CDK5RAP2: variants seen among roughly 807,000 people sequenced by gnomAD.
CDK5RAP2 encodes CDK5 regulatory subunit associated protein 2.
In CDK5RAP2, 147 loss-of-function variants were observed where a neutral mutation model predicts 232.9. That is an observed-to-expected ratio of 0.63 (90% confidence interval 0.55 to 0.72). The LOEUF is 0.72. Among genes scored for constraint, CDK5RAP2 ranks in the 30% least tolerant of loss-of-function variants. The pLI is 0.00. For synonymous variants in CDK5RAP2, 833 were observed against 833.7 expected, an observed-to-expected ratio of 1.00 and a Z score of 0.01; for missense variants, 2,195 against 2,231.5, an observed-to-expected ratio of 0.98 and a Z score of 0.33.
intron 12 of CDK5RAP2, among the ~76,000 whole-genome samples, chr9:120,512,916 T>A (rs1047970886): frequency 1.3e-5 from 2 of 152,172 alleles, no homozygotes; most frequent in African/African-American, 2.4e-5. Flanking sequence ...TTTCTACCAC[T>A]CTGAATAGCA....
At chr9:120,528,593 T>C (rs1027364790) in intron 9 of CDK5RAP2, 151 bp downstream of exon 9, 4 of 673,466 alleles carry the variant, frequency 5.9e-6, no homozygotes, top group Non-Finnish European at 1.1e-5. Flanking sequence ...TAAGAAACCC[T>C]TTCTAGAGTA....
At chr9:120,440,429 G>A (rs1048166011) in intron 23 of CDK5RAP2, 1 of 204,236 alleles carries the variant, frequency 4.9e-6, no homozygotes. Context: ...TGCATGGGCC[G>A]TGCCCTCTGC....
chr9:120,492,156 C>T (rs1364816724), intron 12 of CDK5RAP2, among the ~76,000 whole-genome samples: 1 of 151,952 alleles, frequency 6.6e-6, no homozygotes, highest in Non-Finnish European at 1.5e-5. Context: ...ATTTGCAATA[C>T]TGAAGCACTA....
intron 25 of CDK5RAP2, among the ~76,000 whole-genome samples, chr9:120,429,468 G>C (rs2035139504): frequency 6.6e-6 from 1 of 152,060 alleles, no homozygotes; most frequent in African/African-American, 2.4e-5. Flanking sequence ...ACCAATAACA[G>C]ACAAACAGAG....
intron 22 of CDK5RAP2, 111 bp from the exon 23 acceptor site, chr9:120,443,853 G>A (rs2036039441): frequency 2.1e-6 from 3 of 1,423,654 alleles, no homozygotes; most frequent in Non-Finnish European, 2.9e-6. Flanking sequence ...AAAACACTGG[G>A]GAGGCAAAAT....
At chr9:120,546,567 T>C (rs1283751478) in intron 4 of CDK5RAP2, among the ~76,000 whole-genome samples, 1 of 152,218 alleles carries the variant, frequency 6.6e-6, no homozygotes, top group Non-Finnish European at 1.5e-5. Flanking sequence ...TTTGGGTGCA[T>C]CGTTTGTGGA....
chr9:120,463,721 C>T (rs1363918082), intron 18 of CDK5RAP2, among the ~76,000 whole-genome samples: 1 of 152,206 alleles, frequency 6.6e-6, no homozygotes, highest in African/African-American at 2.4e-5. Context: ...CACAACCATG[C>T]CAATGCTTGA....
intron 28 of CDK5RAP2, among the ~76,000 whole-genome samples, chr9:120,414,420 C>T (rs916829090): frequency 2.6e-5 from 4 of 152,176 alleles, no homozygotes; most frequent in African/African-American, 9.7e-5. Flanking sequence ...CCAAGATTTA[C>T]TGCTCCATGA....
chr9:120,539,657 G>C lies in CDK5RAP2; in HGVS notation c.384-493C>G, dbSNP rs556426479. Among the ~76,000 whole-genome samples, 8 of 152,314 alleles carry C rather than the reference G, an allele frequency of 5.3e-5. No individual in the cohort carries two copies. In the South Asian group the frequency reaches 8.3e-4, roughly 16 times the overall value. Reference sequence around the variant, plus strand: ...TTCTGACAACAGTGCCTGGTACAAAGTAAGTATTCAATAAATGTTGGCGAT... The same window carrying C: ...TTCTGACAACAGTGCCTGGTACAAACTAAGTATTCAATAAATGTTGGCGAT... On this transcript the variant is annotated intron_variant, in intron 5 of 37. Coordinates refer to ENST00000349780, the MANE Select transcript of CDK5RAP2 (RefSeq NM_018249.6).
intron 12 of CDK5RAP2, among the ~76,000 whole-genome samples, chr9:120,503,780 T>G (rs1451300815): frequency 6.6e-6 from 1 of 152,126 alleles, no homozygotes; most frequent in East Asian, 1.9e-4. Context: ...CACCTCTCTC[T>G]GTCCCCACAT....
At chr9:120,556,213 G>T (rs762312943) in intron 3 of CDK5RAP2, among the ~76,000 whole-genome samples, 6 of 152,160 alleles carry the variant, frequency 3.9e-5, no homozygotes, top group Non-Finnish European at 8.8e-5. Flanking sequence ...ATATACATCT[G>T]TCAGAGTTCA....
chr9:120,453,931 C>T (rs1293516452), intron 20 of CDK5RAP2, 58 bp from the exon 21 acceptor site: 4 of 1,561,834 alleles, frequency 2.6e-6, no homozygotes, highest in Non-Finnish European at 3.5e-6. Context: ...GGCCTTGTCC[C>T]CTAGCCAGTA....
intron 13 of CDK5RAP2, among the ~76,000 whole-genome samples, chr9:120,489,994 A>G (rs1314375748): frequency 6.6e-6 from 1 of 151,924 alleles, no homozygotes; most frequent in Non-Finnish European, 1.5e-5. Context: ...TTTAGTAGAG[A>G]CGGAGTTTCT....
At chr9:120,519,161 G>A (rs542177231) in intron 11 of CDK5RAP2, among the ~76,000 whole-genome samples, 9 of 149,054 alleles carry the variant, frequency 6.0e-5, no homozygotes, top group East Asian at 5.9e-4. Flanking sequence ...GTGACAGAGC[G>A]AGACTCCGTC....
intron 3 of CDK5RAP2, among the ~76,000 whole-genome samples, chr9:120,565,705 C>T (rs1166375656): frequency 6.6e-6 from 1 of 152,178 alleles, no homozygotes; most frequent in Non-Finnish European, 1.5e-5. Flanking sequence ...CTCCCTAGCT[C>T]TCCCCACTTG....
rs869025200 is a variant in CDK5RAP2 at position 120,409,126 on chromosome 9, C to G, written c.4604+1G>C. ...GGCCACCAGGGAAGCACAGCCACTACCTGCTCAGCTCCTGGCCGCTGCAGC... is the reference window on the plus strand; with the variant it reads ...GGCCACCAGGGAAGCACAGCCACTAGCTGCTCAGCTCCTGGCCGCTGCAGC... On this transcript the variant is annotated splice_donor_variant, in intron 30 of 37. Transcript: ENST00000349780. LOFTEE classifies it high-confidence loss of function. 8.7e-6 allele frequency: 14 copies of G among 1,611,178 alleles called. No individual in the cohort carries two copies. The highest frequency in any genetic ancestry group is 1.2e-5 in the Non-Finnish European group (14 of 1,179,880).
intron 21 of CDK5RAP2, among the ~76,000 whole-genome samples, chr9:120,449,002 C>G (rs2036347186): frequency 6.6e-6 from 1 of 152,166 alleles, no homozygotes; most frequent in Non-Finnish European, 1.5e-5. Context: ...ACCTACTACT[C>G]CTCTCTTCTG....
intron 35 of CDK5RAP2, among the ~76,000 whole-genome samples, chr9:120,395,026 G>A (rs766939851): frequency 4.6e-5 from 7 of 152,148 alleles, no homozygotes; most frequent in Non-Finnish European, 1.0e-4. Flanking sequence ...GTTCATGGTA[G>A]GAAAAAATAA....
chr9:120,393,036 C>T (rs542835706), intron 36 of CDK5RAP2, among the ~76,000 whole-genome samples: 9 of 152,296 alleles, frequency 5.9e-5, no homozygotes, highest in African/African-American at 1.9e-4. Flanking sequence ...ACCCTTTGCA[C>T]GTCCTAAGCA....
Sources: allele counts gnomAD v4.1 joint callset (sites outside exome capture counted in the v4.1 genomes callset), GRCh38; gene constraint gnomAD v4.1.1; transcripts MANE v1.5; gene names NCBI Gene and HGNC (gene_info 2026-07-23, HGNC 2026-07-21).